PNPLA5: variants seen among roughly 807,000 people sequenced by gnomAD.
PNPLA5 encodes the protein patatin-like phospholipase domain-containing protein 5.
Under a neutral mutation model 49.1 loss-of-function variants are expected in PNPLA5, and 44 were observed. The observed-to-expected ratio is 0.90, with a 90% CI of 0.70 to 1.15. The LOEUF is 1.15. Among genes scored for constraint, PNPLA5 ranks in the 50% most tolerant of loss-of-function variants. PNPLA5 has a pLI of 0.00. For synonymous variants in PNPLA5, 243 were observed against 244.4 expected (o/e 0.99, Z 0.06); for missense variants, 603 against 564.0 (o/e 1.07, Z -0.70).
chr22:43,886,615 G>A, intron 5 of PNPLA5, 127 bp from the exon 6 acceptor site: 1 of 1,442,846 alleles, frequency 6.9e-7, no homozygotes, highest in Non-Finnish European at 9.1e-7. Context: ...CGGACCCACA[G>A]CTTATTCCGG....
At position 43,880,755 on chromosome 22, in the gene PNPLA5, C is replaced by G; in HGVS notation, c.*40G>C. 2 of 1,298,722 alleles carry G rather than the reference C, an allele frequency of 1.5e-6. No individual in the cohort carries two copies. Among genetic ancestry groups the G allele is most frequent in the Non-Finnish European group, 2.0e-6 (2 of 1,018,270 alleles). 80.4% of individuals were successfully genotyped at this position (1,298,722 alleles called of 1,614,324 possible). ...ACAGGACAAAGGCCAGAGCAGGAAT[C>G]AAGGGACACCAGTCACTGGGCTGGC... On this transcript the variant is annotated 3_prime_UTR_variant, in exon 9 of 9. Transcript: ENST00000216177.
chr22:43,881,585 G>A lies in PNPLA5; in HGVS notation c.1172C>T (p.Thr391Ile). 6.2e-7 allele frequency: 1 copy of A among 1,608,002 alleles called. No individual in the cohort carries two copies. The highest frequency in any genetic ancestry group is 8.5e-7 in the Non-Finnish European group (1 of 1,177,334). Residue 391 changes from threonine (T) to isoleucine (I), a missense_variant, in exon 8 of 9, where the codon ACC becomes ATC. By Grantham distance (89) the Thr-to-Ile change is moderately conservative (BLOSUM62 -1). Coordinates refer to ENST00000216177, the MANE Select transcript of PNPLA5 (RefSeq NM_138814.4). ...GATGGGCCCAAGGAGCTGGGCCTTG[G>A]TCCTGGAGAAAACCTCGAGGGCCAT... The part of the protein sequence containing the change: ...RNMALEVFSR[T>I]KAQLLGPISP...
At position 43,891,910 on chromosome 22, in the gene PNPLA5, C is replaced by G; in HGVS notation, c.-30G>C. ...GGTGGACCGGGCGGGGTGATCGGGA[C>G]GAGGAAGGGTCACTCCGTGACCCGG... On this transcript the variant is annotated 5_prime_UTR_variant, in exon 1 of 9. Coordinates refer to ENST00000216177, the MANE Select transcript of PNPLA5 (RefSeq NM_138814.4). The G allele has an allele frequency of 6.7e-7, 1 of 1,500,302 alleles. No individual in the cohort carries two copies. The allele number at this position is 1,500,302 out of a possible 1,614,324, so 92.9% of individuals were successfully genotyped here.
intron 7 of PNPLA5, among the ~76,000 whole-genome samples, chr22:43,883,000 G>A (rs1262383124): frequency 6.6e-6 from 1 of 152,152 alleles, no homozygotes; most frequent in African/African-American, 2.4e-5. Context: ...CCTCCCCTGC[G>A]TCGTGTACGG....
intron 8 of PNPLA5, 112 bp from the exon 9 acceptor site, chr22:43,880,997 C>A (rs1271553270): frequency 2.4e-6 from 3 of 1,242,224 alleles, no homozygotes; most frequent in South Asian, 4.0e-5. Flanking sequence ...TCCCCCAAAT[C>A]CTGCTCTGAG....
intron 5 of PNPLA5, 80 bp downstream of exon 5, chr22:43,887,511 C>T: frequency 2.0e-6 from 3 of 1,509,040 alleles, no homozygotes; most frequent in Non-Finnish European, 2.7e-6. Flanking sequence ...ATGTCCCTAG[C>T]AGCTCAAAGG....
chr22:43,887,539 A>G (rs905848577), intron 5 of PNPLA5, 52 bp downstream of exon 5: 2 of 1,585,310 alleles, frequency 1.3e-6, no homozygotes, highest in Admixed American at 1.8e-5. Context: ...GGCAGGGTCT[A>G]CCTGGCACCA....
intron 6 of PNPLA5, among the ~76,000 whole-genome samples, chr22:43,885,532 C>T (rs2049655375): frequency 6.6e-6 from 1 of 152,116 alleles, no homozygotes; most frequent in Non-Finnish European, 1.5e-5. Flanking sequence ...GACCTCCTGG[C>T]TGTCCCTCAC....
At position 43,889,369 on chromosome 22, in the gene PNPLA5, A is replaced by T; in HGVS notation, c.662T>A (p.Phe221Tyr). ...NFSFQISTEN[F>Y]FLGLICLIPP... The stretch of plus-strand genomic sequence containing the variant: ...TATGAGACATATGAGCCCCAGGAAG[A>T]AGTTCTCAGTGGAGATTTGGAAGCT... Residue 221 changes from phenylalanine (F) to tyrosine (Y), a missense_variant, in exon 4 of 9, where the codon TTC becomes TAC. By Grantham distance (22) the Phe-to-Tyr change is conservative. Transcript: ENST00000216177. 6.2e-7 allele frequency: 1 copy of T among 1,613,982 alleles called. No homozygotes were observed. The highest frequency in any genetic ancestry group is 8.5e-7 in the Non-Finnish European group (1 of 1,179,978).
At position 43,891,996 on chromosome 22, in the gene PNPLA5, C is replaced by CGGGCTG. The variant is rs2049731575; in HGVS notation, c.-122_-117dup. ...CCCAAATGTGGGCTCTGGAGGGAGC[C>CGGGCTG]GGGCTGGGGCTGGTGCTGGTGCTCC... On this transcript the variant is annotated 5_prime_UTR_variant, in exon 1 of 9. Transcript: ENST00000216177. 3 of 1,091,856 alleles carry CGGGCTG rather than the reference C, an allele frequency of 2.7e-6. No homozygotes were observed. Among genetic ancestry groups the CGGGCTG allele is most frequent in the East Asian group, 3.1e-5 (1 of 32,092 alleles). The allele number at this position is 1,091,856 out of a possible 1,614,324, so 67.6% of individuals were successfully genotyped here.
chr22:43,884,370 C>T lies in PNPLA5; in HGVS notation c.950-25G>A, dbSNP rs191393455. The T allele has an allele frequency of 1.5e-4, 229 of 1,523,708 alleles. No individual in the cohort carries two copies. The East Asian group carries it at 3.5e-3, about 24-fold the overall frequency. 94.4% of individuals were successfully genotyped at this position (1,523,708 alleles called of 1,614,324 possible). ...GCTGCAAGAGAAGCCCTGGCATGGC[C>T]CTGCCCACCTGAAGTCTGTGGGCCA... is the stretch of plus-strand genomic sequence containing the variant. On this transcript the variant is annotated intron_variant, in intron 6 of 8. Transcript: ENST00000216177.
chr22:43,884,072 C>G, intron 7 of PNPLA5, 141 bp downstream of exon 7: 1 of 713,408 alleles, frequency 1.4e-6, no homozygotes, highest in South Asian at 2.1e-5. Flanking sequence ...GCAGTCAACA[C>G]CACACAGTGT....
At chr22:43,891,392 C>A in intron 1 of PNPLA5, 98 bp from the exon 2 acceptor site, 1 of 1,431,280 alleles carries the variant, frequency 7.0e-7, no homozygotes, top group South Asian at 1.5e-5. Context: ...GGAGCGGGGT[C>A]CTCCCCACTC....
rs544415907 is a variant in PNPLA5, at chr22:43,881,831, G to A, written c.1083-157C>T. 106 of 898,572 alleles carry A rather than the reference G, an allele frequency of 1.2e-4. No homozygotes were observed. In the African/African-American group the frequency reaches 1.7e-3, roughly 14 times the overall value. The allele number at this position is 898,572 out of a possible 1,614,324, so 55.7% of individuals were successfully genotyped here. A position where few individuals can be genotyped will look rare whatever the true frequency, so the allele number is the denominator to read the frequency against. On this transcript the variant is annotated intron_variant, in intron 7 of 8. Coordinates refer to ENST00000216177, the MANE Select transcript of PNPLA5 (RefSeq NM_138814.4). ...GCCAGCAGCGTTGGCCACTGTTGCA[G>A]AGCAGGTCAGAGCCACAGGGACACC...
chr22:43,885,576 TC>T lies in PNPLA5; in HGVS notation c.949+726del, dbSNP rs1329363455. 1.1e-4 allele frequency among the ~76,000 whole-genome samples: 17 copies of T among 152,188 alleles called. No homozygotes were observed. The East Asian group carries it at 3.1e-3, about 28-fold the overall frequency. On this transcript the variant is annotated intron_variant, in intron 6 of 8. Coordinates refer to ENST00000216177, the MANE Select transcript of PNPLA5 (RefSeq NM_138814.4). ...GGACCTTTGCACGTGCCATGCCCTC[TC>T]CCCGATGCTCTTCTGCCTCTTGGCC...
chr22:43,884,483 A>C, intron 6 of PNPLA5, 138 bp from the exon 7 acceptor site: 23 of 1,203,732 alleles, frequency 1.9e-5, no homozygotes, highest in Non-Finnish European at 2.5e-5. Flanking sequence ...GCAAGCCCCC[A>C]CCACAGGCCA....
Position 43,891,986 on chromosome 22 carries a change from T to A in PNPLA5, c.-106A>T, listed in dbSNP as rs2049731439. The A allele has an allele frequency of 1.7e-6, 2 of 1,178,662 alleles. No homozygotes were observed. Among genetic ancestry groups the A allele is most frequent in the African/African-American group, 3.3e-5 (2 of 61,002 alleles). The allele number at this position is 1,178,662 out of a possible 1,614,324, so 73.0% of individuals were successfully genotyped here. On this transcript the variant is annotated 5_prime_UTR_variant, in exon 1 of 9. Transcript: ENST00000216177. ...CGGGGCTGGGCCCAAATGTGGGCTC[T>A]GGAGGGAGCCGGGCTGGGGCTGGTG... is the stretch of plus-strand genomic sequence containing the variant.
intron 4 of PNPLA5, 30 bp from the exon 5 acceptor site, chr22:43,887,681 G>C (rs922023685): frequency 7.6e-6 from 12 of 1,581,944 alleles, no homozygotes; most frequent in Admixed American, 1.8e-5. Flanking sequence ...GGGTGAGATG[G>C]GCAAGGCCTG....
chr22:43,881,661 GCCACACCACCAA>G lies in PNPLA5; in HGVS notation c.1084_1095del (p.Val363_Leu366del), dbSNP rs1183858697. 11 of 1,613,696 alleles carry G rather than the reference GCCACACCACCAA, an allele frequency of 6.8e-6. No individual in the cohort carries two copies. The highest frequency in any genetic ancestry group is 8.5e-6 in the Non-Finnish European group (10 of 1,179,938). On this transcript the variant is annotated inframe_deletion and splice_region_variant, in exon 8 of 9. Transcript: ENST00000216177. Reference sequence around the variant, plus strand: ...CACAAGTCCGCCGGCACATCGGGCAGCCACACCACCAACCTGGAGGAAGGGGCAGGTCAGCTT... The same window carrying G: ...CACAAGTCCGCCGGCACATCGGGCAGCCTGGAGGAAGGGGCAGGTCAGCTT...
Sources: allele counts gnomAD v4.1 joint callset (sites outside exome capture counted in the v4.1 genomes callset), GRCh38; gene constraint gnomAD v4.1.1; transcripts MANE v1.5; gene names NCBI Gene and HGNC (gene_info 2026-07-23, HGNC 2026-07-21).